TNRC6C: variants seen among roughly 807,000 people sequenced by gnomAD.
The protein encoded by TNRC6C is trinucleotide repeat containing adaptor 6C, also known as trinucleotide repeat-containing gene 6C protein.
Under a neutral mutation model 153.7 loss-of-function variants are expected in TNRC6C, and 20 were observed. That is an observed-to-expected ratio of 0.13 (90% confidence interval 0.09 to 0.19). TNRC6C has a LOEUF of 0.19. Ranked by LOEUF, TNRC6C falls within the 10% of genes least tolerant of loss-of-function variation. The probability of loss-of-function intolerance (pLI) is 1.00; values close to 1 mark genes in which losing one functional copy is unlikely to be tolerated. For synonymous variants in TNRC6C, 811 were observed against 841.4 expected (o/e 0.96, Z 0.63); for missense variants, 1,987 against 2,172.0 (o/e 0.91, Z 1.69).
At chr17:78,103,350 T>C in intron 18 of TNRC6C, 64 bp from the exon 22 acceptor site, 1 of 1,586,412 alleles carries the variant, frequency 6.3e-7, no homozygotes, top group Non-Finnish European at 8.6e-7. Flanking sequence ...GTTTTTTCTT[T>C]GGAAGGCTGT....
At chr17:77,977,370 G>A (rs1381874768) in intron 1 of TNRC6C, among the ~76,000 whole-genome samples, 3 of 152,152 alleles carry the variant, frequency 2.0e-5, no homozygotes, top group Non-Finnish European at 4.4e-5. Flanking sequence ...GAGCATTAAT[G>A]TATCATTTTC....
chr17:78,090,211 A>G (rs1043260479), intron 13 of TNRC6C, among the ~76,000 whole-genome samples: 3 of 152,186 alleles, frequency 2.0e-5, no homozygotes, highest in Admixed American at 6.5e-5. Context: ...TCTCTTAAAA[A>G]TGGCTATAGT....
intron 1 of TNRC6C, among the ~76,000 whole-genome samples, chr17:78,006,492 T>C (rs928450986): frequency 1.8e-5 from 2 of 110,416 alleles, no homozygotes; most frequent in Non-Finnish European, 3.7e-5. Context: ...CTTCTTCTTC[T>C]TTCTTCTTCT....
intron 2 of TNRC6C, among the ~76,000 whole-genome samples, chr17:78,033,892 A>G (rs1270860836): frequency 6.6e-6 from 1 of 152,158 alleles, no homozygotes; most frequent in Admixed American, 6.5e-5. Flanking sequence ...AGCCAGATGC[A>G]TCTTTCTAAC....
At chr17:77,984,747 C>T (rs1227976715) in intron 1 of TNRC6C, among the ~76,000 whole-genome samples, 1 of 152,176 alleles carries the variant, frequency 6.6e-6, no homozygotes, top group African/African-American at 2.4e-5. Context: ...CTGCTACTCT[C>T]TAGCTGTGTG....
chr17:78,079,555 C>T lies in TNRC6C; in HGVS notation c.3357+14C>T, dbSNP rs754119082. Reference sequence around the variant, plus strand: ...CTATCCCCTCAGGTCAGACCCACATCCAAGCAGGACTGAGCAACAGGATAT... The same window carrying T: ...CTATCCCCTCAGGTCAGACCCACATTCAAGCAGGACTGAGCAACAGGATAT... On this transcript the variant is annotated intron_variant, in intron 10 of 19. Transcript: ENST00000301624. This position sits in a 1 kb window ranked among gnomAD's most constrained non-coding sequence, Gnocchi z 4.3. 6.2e-7 allele frequency: 1 copy of T among 1,613,416 alleles called. No homozygotes were observed. Among genetic ancestry groups the T allele is most frequent in the Non-Finnish European group, 8.5e-7 (1 of 1,179,502 alleles).
At chr17:78,054,341 TACTGCAGACTACGCACACC>T (rs1422308846) in intron 3 of TNRC6C, among the ~76,000 whole-genome samples, 1 of 151,930 alleles carries the variant, frequency 6.6e-6, no homozygotes, top group South Asian at 2.1e-4. Flanking sequence ...TACTGCACAC[TACTGCAGACTACGCACACC>T]ACTGCAGACT....
intron 1 of TNRC6C, among the ~76,000 whole-genome samples, chr17:78,026,872 A>C (rs1420423591): frequency 6.6e-6 from 1 of 152,088 alleles, no homozygotes; most frequent in Admixed American, 6.5e-5. Flanking sequence ...GGTGAAATTG[A>C]GGGATATTTG....
intron 3 of TNRC6C, among the ~76,000 whole-genome samples, chr17:78,062,040 CT>C (rs2073423954): frequency 6.6e-6 from 1 of 152,090 alleles, no homozygotes; most frequent in South Asian, 2.1e-4. Flanking sequence ...GCTAATTGGT[CT>C]TTAGCAACAC....
chr17:78,075,434 CA>C lies in TNRC6C; in HGVS notation c.3060+159del, dbSNP rs924104010. The C allele has an allele frequency of 1.2e-6, 1 of 841,542 alleles. No individual in the cohort carries two copies. Among genetic ancestry groups the C allele is most frequent in the African/African-American group, 1.7e-5 (1 of 58,176 alleles). The allele number at this position is 841,542 out of a possible 1,614,324, so 52.1% of individuals were successfully genotyped here. ...TTTCTAACATTATGAACATTTAACT[CA>C]AAGAAGGGAATGTCGTATTTCATAA... On this transcript the variant is annotated intron_variant, in intron 8 of 19. Coordinates refer to ENST00000301624, the Ensembl canonical transcript of TNRC6C. This position sits in a 1 kb window ranked among gnomAD's most constrained non-coding sequence, Gnocchi z 4.2.
chr17:78,106,719 TTTGA>T (rs2073703827), exon 20 of TNRC6C: 1 of 152,128 alleles, frequency 6.6e-6, no homozygotes, highest in Non-Finnish European at 1.5e-5. Flanking sequence ...TGATCAATGT[TTTGA>T]TTGTTTTGCA....
chr17:78,042,325 C>T (rs150686283), intron 2 of TNRC6C, among the ~76,000 whole-genome samples: 257 of 152,196 alleles, frequency 1.7e-3, no homozygotes, highest in African/African-American at 6.0e-3. Context: ...AGATTATATT[C>T]TGAAAACTCA....
At chr17:78,029,497 G>A (rs2072016743) in intron 1 of TNRC6C, among the ~76,000 whole-genome samples, 1 of 152,008 alleles carries the variant, frequency 6.6e-6, no homozygotes, top group Admixed American at 6.5e-5. Flanking sequence ...CACCTGTATA[G>A]GGCACTTAAC....
chr17:78,034,378 A>G (rs1243956214), intron 2 of TNRC6C, among the ~76,000 whole-genome samples: 1 of 151,690 alleles, frequency 6.6e-6, no homozygotes, highest in East Asian at 1.9e-4. Flanking sequence ...ACTTTCTATT[A>G]TGATTGGGAT....
chr17:77,958,728 T>G (rs993033866), upstream of TNRC6C, among the ~76,000 whole-genome samples: 15 of 151,166 alleles, frequency 9.9e-5, no homozygotes, highest in African/African-American at 3.6e-4. Context: ...ATGGCCGCGG[T>G]GGCAGCTCCG....
chr17:78,102,954 T>C (rs1235842683), intron 18 of TNRC6C: 5 of 237,074 alleles, frequency 2.1e-5, no homozygotes, highest in Non-Finnish European at 4.2e-5. Context: ...CTGGGCAACA[T>C]AGCAAGACCC....
upstream of TNRC6C, among the ~76,000 whole-genome samples, chr17:77,958,565 G>A (rs539160894): frequency 6.6e-6 from 1 of 152,074 alleles, no homozygotes; most frequent in African/African-American, 2.4e-5. Flanking sequence ...CGATTGGCCA[G>A]TTCGCCCTCC....
intron 1 of TNRC6C, among the ~76,000 whole-genome samples, chr17:77,973,605 A>G (rs953462979): frequency 2.6e-5 from 4 of 152,238 alleles, no homozygotes; most frequent in Admixed American, 2.0e-4. Context: ...GGAATCCACA[A>G]GAAAGGTTAC....
At chr17:78,092,182 C>G (rs1482854625) in intron 14 of TNRC6C, among the ~76,000 whole-genome samples, 2 of 152,178 alleles carry the variant, frequency 1.3e-5, no homozygotes, top group African/African-American at 2.4e-5. Flanking sequence ...GTAGAATAAA[C>G]AGCAAAGGAA....
Sources: gnomAD v4.1 joint callset for allele counts (sites outside exome capture counted in the v4.1 genomes callset) on GRCh38, gnomAD v4.1.1 for gene constraint, Gnocchi (gnomAD v3.1) non-coding constraint, MANE v1.5 for transcripts, NCBI Gene and HGNC (gene_info 2026-07-23, HGNC 2026-07-21) for gene names.